SP8: variants seen among roughly 807,000 people sequenced by gnomAD.
SP8 encodes the protein Sp8 transcription factor.
In SP8, 7 loss-of-function variants were observed where a neutral mutation model predicts 15.3. The observed-to-expected ratio is 0.46, with a 90% confidence interval of 0.26 to 0.86. The LOEUF is 0.86. Ranked by LOEUF, SP8 falls within the 40% of genes least tolerant of loss-of-function variation. SP8 has a pLI of 0.16. For missense variants in SP8, 731 were observed against 736.4 expected (o/e 0.99, Z 0.09); for synonymous variants, 415 against 356.3 (o/e 1.16, Z -1.86).
chr7:20,785,541 T>G lies in SP8; in HGVS notation c.276A>C (p.Ala92=), dbSNP rs1342357082. The part of the protein sequence containing the change: ...GSSSAAAAAA[A]AAAAAAALVS... ...CCAGGGCCGCGGCAGCCGCGGCTGC[T>G]GCCGCGGCCGCCGCAGCCGCCGAGG... The change falls in exon 2 of 2, where the codon GCA becomes GCC. Residue 92 remains alanine (A), a synonymous_variant. Transcript: ENST00000418710. This position sits in a 1 kb window ranked among gnomAD's most constrained non-coding sequence, Gnocchi z 7.2. 269 of 1,023,822 alleles carry G rather than the reference T, an allele frequency of 2.6e-4. No individual in the cohort carries two copies. Among genetic ancestry groups the G allele is most frequent in the Middle Eastern group, 1.6e-3 (4 of 2,474 alleles). The allele number at this position is 1,023,822 out of a possible 1,614,324, so 63.4% of individuals were successfully genotyped here.
At position 20,784,537 on chromosome 7, in the gene SP8, G is replaced by T; in HGVS notation, c.1280C>A (p.Thr427Asn). 2 of 1,585,542 alleles carry T rather than the reference G, an allele frequency of 1.3e-6. No individual in the cohort carries two copies. Among genetic ancestry groups the T allele is most frequent in the Non-Finnish European group, 8.6e-7 (1 of 1,167,116 alleles). The change falls in exon 2 of 2, where the codon ACC becomes AAC. Residue 427 changes from threonine (T) to asparagine (N), a missense_variant. This residue lies in a region of SP8 where 31 missense variants were observed against 99.6 expected (regional missense o/e 0.31). Coordinates refer to ENST00000418710, the MANE Select transcript of SP8 (RefSeq NM_182700.6). Reference sequence around the variant, plus strand: ...GGCGAAGCGCTTCTCGCCGGTGTGGGTCCGCAGGTGCCGCTGCAGCTCGTC... The same window carrying T: ...GGCGAAGCGCTTCTCGCCGGTGTGGTTCCGCAGGTGCCGCTGCAGCTCGTC... Reference protein sequence around the residue: ...RSDELQRHLRTHTGEKRFACP... With the variant: ...RSDELQRHLRNHTGEKRFACP...
In SP8 at chr7:20,785,854, G is replaced by A; in HGVS notation, c.22-59C>T. On this transcript the variant is annotated intron_variant, in intron 1 of 1. Coordinates refer to ENST00000418710, the MANE Select transcript of SP8 (RefSeq NM_182700.6). The surrounding 1 kb of genome is among the most constrained non-coding windows in gnomAD (Gnocchi z 7.2). The stretch of plus-strand genomic sequence containing the variant: ...GGAGGTGGGCAAAGGGCCGGTGGGG[G>A]AGGAAAGGAAGAAATGTGCATCAGT... 3 of 1,526,842 alleles carry A rather than the reference G, an allele frequency of 2.0e-6. No homozygotes were observed. The highest frequency in any genetic ancestry group is 2.7e-5 in the African/African-American group (2 of 73,164). The allele number at this position is 1,526,842 out of a possible 1,614,324, so 94.6% of individuals were successfully genotyped here.
In SP8 at chr7:20,785,934, C is replaced by G. The variant is rs560237252; in HGVS notation, c.22-139G>C. 2.2e-5 allele frequency: 32 copies of G among 1,464,484 alleles called. No individual in the cohort carries two copies. The Admixed American group carries it at 6.5e-4, about 30-fold the overall frequency. The allele number at this position is 1,464,484 out of a possible 1,614,324, so 90.7% of individuals were successfully genotyped here. ...CACCCCATCTCTCGCTGCGGCGCGC[C>G]GCCACCAACTCACCTGGCACCCCCA... is the stretch of plus-strand genomic sequence containing the variant. On this transcript the variant is annotated intron_variant, in intron 1 of 1. Coordinates refer to ENST00000418710, the MANE Select transcript of SP8 (RefSeq NM_182700.6). This position sits in a 1 kb window ranked among gnomAD's most constrained non-coding sequence, Gnocchi z 7.2.
chr7:20,785,340 G>A lies in SP8; in HGVS notation c.477C>T (p.Gly159=). Residue 159 remains glycine, a synonymous_variant, in exon 2 of 2, where the codon GGC becomes GGT. Transcript: ENST00000418710. The surrounding 1 kb of genome is among the most constrained non-coding windows in gnomAD (Gnocchi z 7.2). ...CGGAGGAGCCGCCGCCGCCGCCCCC[G>A]CCGCCGCCGCCGCTGCCCCCGGAAA... ...PGVSGGSGGG[G]GGGGGGSSAH... The A allele has an allele frequency of 1.5e-6, 2 of 1,345,052 alleles. No individual in the cohort carries two copies. Among genetic ancestry groups the A allele is most frequent in the South Asian group, 1.4e-5 (1 of 70,024 alleles). 83.3% of individuals were successfully genotyped at this position (1,345,052 alleles called of 1,614,324 possible).
chr7:20,786,355 A>G lies in SP8; in HGVS notation c.21+423T>C, dbSNP rs898073597. On this transcript the variant is annotated intron_variant, in intron 1 of 1. Transcript: ENST00000418710. The surrounding 1 kb of genome is among the most constrained non-coding windows in gnomAD (Gnocchi z 4.4). ...TCTTTCTTTTTTTAAAAGCATATCT[A>G]CAGTAGTAAAAACGAGACGAGTTCA... Among the ~76,000 whole-genome samples, 1 of 152,028 alleles carries G rather than the reference A, an allele frequency of 6.6e-6. No individual in the cohort carries two copies. Among genetic ancestry groups the G allele is most frequent in the Non-Finnish European group, 1.5e-5 (1 of 67,998 alleles).
chr7:20,783,874 C>G lies in SP8; in HGVS notation c.*416G>C, dbSNP rs553762638. ...GCTTGTCAGCCGAGCCGCTCCTGCC[C>G]GCGCGAGGCCCGCTGTCTACCAGGC... is the stretch of plus-strand genomic sequence containing the variant. On this transcript the variant is annotated 3_prime_UTR_variant, in exon 2 of 2. Coordinates refer to ENST00000418710, the MANE Select transcript of SP8 (RefSeq NM_182700.6). 1,182 of 20,170 alleles carry G rather than the reference C, an allele frequency of 0.059. 17 individuals are homozygous for G. The highest frequency in any genetic ancestry group is 0.41 in the African/African-American group (1,123 of 2,760). The allele number at this position is 20,170 out of a possible 1,614,324, so 1.2% of individuals were successfully genotyped here. A position where few individuals can be genotyped will look rare whatever the true frequency, so the allele number is the denominator to read the frequency against.
Position 20,783,949 on chromosome 7 carries a change from C to A in SP8, c.*341G>T. The A allele has an allele frequency of 3.3e-6, 1 of 305,740 alleles. No homozygotes were observed. Among genetic ancestry groups the A allele is most frequent in the Non-Finnish European group, 5.9e-6 (1 of 169,746 alleles). The allele number at this position is 305,740 out of a possible 1,614,324, so 18.9% of individuals were successfully genotyped here. A position where few individuals can be genotyped will look rare whatever the true frequency, so the allele number is the denominator to read the frequency against. Reference sequence around the variant, plus strand: ...CAGTGGCCGTTCCCTCTAAAAGTTACGCCCTTCACAACCTGGGGGGTGGAG... The same window carrying A: ...CAGTGGCCGTTCCCTCTAAAAGTTAAGCCCTTCACAACCTGGGGGGTGGAG... On this transcript the variant is annotated 3_prime_UTR_variant, in exon 2 of 2. Coordinates refer to ENST00000418710, the MANE Select transcript of SP8 (RefSeq NM_182700.6).
Position 20,783,214 on chromosome 7 carries a change from C to T in SP8, c.*1076G>A, listed in dbSNP as rs544988553. On this transcript the variant is annotated 3_prime_UTR_variant, in exon 2 of 2. Transcript: ENST00000418710. ...TGGTACTATACAATTGACGGCCGGACTAACAAAAAAGATTGGGAGGTTATG... is the reference window on the plus strand; with the variant it reads ...TGGTACTATACAATTGACGGCCGGATTAACAAAAAAGATTGGGAGGTTATG... The T allele has an allele frequency of 6.6e-6, 1 of 152,388 alleles. No individual in the cohort carries two copies. Among genetic ancestry groups the T allele is most frequent in the South Asian group, 2.1e-4 (1 of 4,816 alleles). 9.4% of individuals were successfully genotyped at this position (152,388 alleles called of 1,614,324 possible). A position where few individuals can be genotyped will look rare whatever the true frequency, so the allele number is the denominator to read the frequency against.
Position 20,785,744 on chromosome 7 carries a change from T to G in SP8, c.73A>C (p.Asn25His), listed in dbSNP as rs775657620. The G allele has an allele frequency of 6.2e-7, 1 of 1,613,016 alleles. No homozygotes were observed. Among genetic ancestry groups the G allele is most frequent in the Non-Finnish European group, 8.5e-7 (1 of 1,179,812 alleles). The part of the protein sequence containing the change: ...TPLAMLAATC[N>H]KIGSPSPSPS... ...GACGGGCTGGGGCTGCCTATCTTAT[T>G]ACAGGTAGCGGCAAGCATGGCCAGA... is the stretch of plus-strand genomic sequence containing the variant. Residue 25 changes from asparagine (N) to histidine (H), a missense_variant, in exon 2 of 2, where the codon AAT (asparagine) becomes CAT (histidine). Physicochemically the swap from Asn to His is moderately conservative, Grantham distance 68 (BLOSUM62 1). Transcript: ENST00000418710. The surrounding 1 kb of genome is among the most constrained non-coding windows in gnomAD (Gnocchi z 7.2).
In SP8 at chr7:20,784,780, C is replaced by A; in HGVS notation, c.1037G>T (p.Gly346Val). The change falls in exon 2 of 2, where the codon GGC becomes GTC. Residue 346 changes from glycine (G) to valine (V), a missense_variant. Physicochemically the swap from Gly to Val is moderately radical, Grantham distance 109. Around this residue, in one of 3 missense-constraint regions of SP8, gnomAD observed 586 missense variants for 524.9 expected, o/e 1.12. Transcript: ENST00000418710. ...SPRSSARRYS[G>V]RATCDCPNCQ... Reference sequence around the variant, plus strand: ...GTTGGGGCAGTCGCAGGTGGCGCGGCCGGAGTAGCGGCGAGCTGAGGAGCG... The same window carrying A: ...GTTGGGGCAGTCGCAGGTGGCGCGGACGGAGTAGCGGCGAGCTGAGGAGCG... The A allele has an allele frequency of 6.5e-7, 1 of 1,545,262 alleles. No homozygotes were observed. The highest frequency in any genetic ancestry group is 8.7e-7 in the Non-Finnish European group (1 of 1,152,302).
In SP8 at chr7:20,785,005, G is replaced by C; in HGVS notation, c.812C>G (p.Ser271Trp). ...SLHSPLGGYN[S>W]DYSGLSHSAF... ...CGAGTGACTCAGGCCCGAGTAATCCGAGTTGTAGCCTCCGAGCGGCGAGTG... is the reference window on the plus strand; with the variant it reads ...CGAGTGACTCAGGCCCGAGTAATCCCAGTTGTAGCCTCCGAGCGGCGAGTG... The change falls in exon 2 of 2, where the codon TCG (serine) becomes TGG (tryptophan). Residue 271 changes from serine (S) to tryptophan (W), a missense_variant. Physicochemically the swap from Ser to Trp is radical, Grantham distance 177. Around this residue, in one of 3 missense-constraint regions of SP8, gnomAD observed 586 missense variants for 524.9 expected, o/e 1.12. Coordinates refer to ENST00000418710, the MANE Select transcript of SP8 (RefSeq NM_182700.6). The surrounding 1 kb of genome is among the most constrained non-coding windows in gnomAD (Gnocchi z 7.2). 1.3e-6 allele frequency: 2 copies of C among 1,575,354 alleles called. No individual in the cohort carries two copies. Among genetic ancestry groups the C allele is most frequent in the East Asian group, 2.3e-5 (1 of 43,310 alleles).
Position 20,785,865 on chromosome 7 carries a change from G to C in SP8, c.22-70C>G, listed in dbSNP as rs1308590634. 2 of 1,517,786 alleles carry C rather than the reference G, an allele frequency of 1.3e-6. No individual in the cohort carries two copies. The highest frequency in any genetic ancestry group is 4.7e-5 in the East Asian group (2 of 42,162). 94.0% of individuals were successfully genotyped at this position (1,517,786 alleles called of 1,614,324 possible). On this transcript the variant is annotated intron_variant, in intron 1 of 1. Transcript: ENST00000418710. The surrounding 1 kb of genome is among the most constrained non-coding windows in gnomAD (Gnocchi z 7.2). Reference sequence around the variant, plus strand: ...AAGGGCCGGTGGGGGAGGAAAGGAAGAAATGTGCATCAGTCCTTCGGTAGC... The same window carrying C: ...AAGGGCCGGTGGGGGAGGAAAGGAACAAATGTGCATCAGTCCTTCGGTAGC...
In SP8 at chr7:20,786,812, C is replaced by G. The variant is rs960474193; in HGVS notation, c.-14G>C. The G allele has an allele frequency of 6.2e-7, 1 of 1,609,842 alleles. No individual in the cohort carries two copies. Among genetic ancestry groups the G allele is most frequent in the African/African-American group, 1.3e-5 (1 of 74,868 alleles). On this transcript the variant is annotated 5_prime_UTR_variant, in exon 1 of 2. Coordinates refer to ENST00000418710, the MANE Select transcript of SP8 (RefSeq NM_182700.6). The surrounding 1 kb of genome is among the most constrained non-coding windows in gnomAD (Gnocchi z 4.4). Reference sequence around the variant, plus strand: ...TGAAGTTGCCATCACACAAAAGTGCCCTCCTCCTCTCAGAGGATCTTTTTT... The same window carrying G: ...TGAAGTTGCCATCACACAAAAGTGCGCTCCTCCTCTCAGAGGATCTTTTTT...
At position 20,786,773 on chromosome 7, in the gene SP8, C is replaced by T. The variant is rs1222730419; in HGVS notation, c.21+5G>A. 1.2e-6 allele frequency: 2 copies of T among 1,613,586 alleles called. No homozygotes were observed. Among genetic ancestry groups the T allele is most frequent in the Admixed American group, 3.3e-5 (2 of 60,016 alleles). On this transcript the variant is annotated splice_donor_5th_base_variant and intron_variant, in intron 1 of 1. Coordinates refer to ENST00000418710, the MANE Select transcript of SP8 (RefSeq NM_182700.6). This position sits in a 1 kb window ranked among gnomAD's most constrained non-coding sequence, Gnocchi z 4.4. Reference sequence around the variant, plus strand: ...AAACCAGCAAGAGAAAATCCTGAGACTCACCCCTAGAAGTGAAGTTGCCAT... The same window carrying T: ...AAACCAGCAAGAGAAAATCCTGAGATTCACCCCTAGAAGTGAAGTTGCCAT...
rs1163981894 is a variant in SP8, at chr7:20,783,971, G to A, written c.*319C>T. The A allele has an allele frequency of 1.1e-5, 4 of 369,972 alleles. No individual in the cohort carries two copies. Among genetic ancestry groups the A allele is most frequent in the Non-Finnish European group, 1.9e-5 (4 of 210,870 alleles). 22.9% of individuals were successfully genotyped at this position (369,972 alleles called of 1,614,324 possible). ...TTACGCCCTTCACAACCTGGGGGGT[G>A]GAGGAGGGGAGGACAAGGAAGAGAG... On this transcript the variant is annotated 3_prime_UTR_variant, in exon 2 of 2. Transcript: ENST00000418710.
At position 20,786,783 on chromosome 7, in the gene SP8, GA is replaced by G. The variant is rs762268014; in HGVS notation, c.15del (p.Leu6Ter). MATS[L>X]LGEEPRLGST... is the part of the protein sequence containing the mutation. ...GAGAAAATCCTGAGACTCACCCCTA[GA>G]AGTGAAGTTGCCATCACACAAAAGT... On this transcript the variant is annotated frameshift_variant, in exon 1 of 2. Coordinates refer to ENST00000418710, the MANE Select transcript of SP8 (RefSeq NM_182700.6). LOFTEE classifies it low-confidence loss of function (END_TRUNC). The surrounding 1 kb of genome is among the most constrained non-coding windows in gnomAD (Gnocchi z 4.4). 1.2e-6 allele frequency: 2 copies of G among 1,613,548 alleles called. No homozygotes were observed. The highest frequency in any genetic ancestry group is 1.7e-6 in the Non-Finnish European group (2 of 1,179,482).
chr7:20,785,748 G>A lies in SP8; in HGVS notation c.69C>T (p.Thr23=), dbSNP rs376267435. 3 of 1,613,780 alleles carry A rather than the reference G, an allele frequency of 1.9e-6. No homozygotes were observed. The highest frequency in any genetic ancestry group is 2.5e-6 in the Non-Finnish European group (3 of 1,179,980). ...GSTPLAMLAA[T]CNKIGSPSPS... is the part of the protein sequence containing the mutation. ...GGCTGGGGCTGCCTATCTTATTACA[G>A]GTAGCGGCAAGCATGGCCAGAGGAG... The change falls in exon 2 of 2, where the codon ACC becomes ACT. Residue 23 remains threonine (T), a synonymous_variant. Transcript: ENST00000418710. The surrounding 1 kb of genome is among the most constrained non-coding windows in gnomAD (Gnocchi z 7.2).
At position 20,784,705 on chromosome 7, in the gene SP8, T is replaced by C. The variant is rs1224976079; in HGVS notation, c.1112A>G (p.Lys371Arg). The change falls in exon 2 of 2, where the codon AAG (lysine) becomes AGG (arginine). Residue 371 changes from lysine to arginine, a missense_variant. Physicochemically the swap from Lys to Arg is conservative, Grantham distance 26. Coordinates refer to ENST00000418710, the MANE Select transcript of SP8 (RefSeq NM_182700.6). ...LGPAGASLRR[K>R]GLHSCHIPGC... is the part of the protein sequence containing the mutation. Reference sequence around the variant, plus strand: ...CGGGATGTGGCAGCTGTGCAGGCCCTTGCGCCGCAAGCTCGCCCCGGCAGG... The same window carrying C: ...CGGGATGTGGCAGCTGTGCAGGCCCCTGCGCCGCAAGCTCGCCCCGGCAGG... 3.1e-6 allele frequency: 5 copies of C among 1,600,972 alleles called. No homozygotes were observed. The highest frequency in any genetic ancestry group is 3.4e-6 in the Non-Finnish European group (4 of 1,175,816).
In SP8 at chr7:20,786,089, T is replaced by G. The variant is rs1583485909; in HGVS notation, c.22-294A>C. 24 of 1,170,386 alleles carry G rather than the reference T, an allele frequency of 2.1e-5. No individual in the cohort carries two copies. The South Asian group carries it at 3.3e-4, about 16-fold the overall frequency. The allele number at this position is 1,170,386 out of a possible 1,614,324, so 72.5% of individuals were successfully genotyped here. A position where few individuals can be genotyped will look rare whatever the true frequency, so the allele number is the denominator to read the frequency against. On this transcript the variant is annotated intron_variant, in intron 1 of 1. Coordinates refer to ENST00000418710, the MANE Select transcript of SP8 (RefSeq NM_182700.6). The surrounding 1 kb of genome is among the most constrained non-coding windows in gnomAD (Gnocchi z 4.4). ...TATTCTCACCTAAAACAACACTCTC[T>G]TGCACACAAAGCCCCAGACACTTCG...
Sources: gnomAD v4.1 joint callset for allele counts (sites outside exome capture counted in the v4.1 genomes callset) on GRCh38, gnomAD v4.1.1 for gene constraint, gnomAD v4.1.1 regional missense constraint, Gnocchi (gnomAD v3.1) non-coding constraint, MANE v1.5 for transcripts, NCBI Gene and HGNC (gene_info 2026-07-23, HGNC 2026-07-21) for gene names.